The following DOCK1 variants were observed in gnomAD, a reference collection of about 807,000 sequenced individuals.
DOCK1 encodes dedicator of cytokinesis protein 1.
A neutral mutation model predicts 262.7 loss-of-function variants in DOCK1; 138 were observed. The ratio of observed to expected loss-of-function variants is 0.53; its 90% confidence interval spans 0.46 to 0.61. The LOEUF is 0.61. Among genes scored for constraint, DOCK1 ranks in the 20% least tolerant of loss-of-function variants. DOCK1 has a pLI of 0.00. For synonymous variants in DOCK1, 866 were observed against 867.4 expected (o/e 1.00, Z 0.03); for missense variants, 1,908 against 2,370.7 (o/e 0.80, Z 4.05).
At chr10:127,450,451 T>G (rs1450255006) in intron 51 of DOCK1, among the ~76,000 whole-genome samples, 1 of 152,266 alleles carries the variant, frequency 6.6e-6, no homozygotes, top group Non-Finnish European at 1.5e-5. Flanking sequence ...TGTTCACTTC[T>G]TCATTCATTT....
intron 25 of DOCK1, among the ~76,000 whole-genome samples, chr10:127,121,446 T>A (rs925693049): frequency 8.6e-5 from 12 of 138,956 alleles, no homozygotes; most frequent in Non-Finnish European, 1.5e-4. Context: ...CATTGTAGGG[T>A]ATATGTATAT....
At chr10:127,439,366 C>T (rs926064140) in intron 49 of DOCK1, 141 bp downstream of exon 49, 2 of 824,932 alleles carry the variant, frequency 2.4e-6, no homozygotes, top group African/African-American at 3.5e-5. Flanking sequence ...GGTCCTCCTC[C>T]CCTAACCTCA....
rs576907558 is a variant in DOCK1 at position 127,266,979 on chromosome 10, C to A, written c.3044+9550C>A. Among the ~76,000 whole-genome samples, 3 of 152,286 alleles carry A rather than the reference C, an allele frequency of 2.0e-5. No individual in the cohort carries two copies. In the East Asian group the frequency reaches 5.8e-4, roughly 29 times the overall value. On this transcript the variant is annotated intron_variant, in intron 29 of 51. Transcript: ENST00000623213. ...AAGTCACCCAGAGAAACACATGAGA[C>A]TTTTCTGGGGGCTGTGTTGGCCATT...
intron 12 of DOCK1, among the ~76,000 whole-genome samples, chr10:127,017,825 C>A (rs1053644278): frequency 6.6e-6 from 1 of 152,178 alleles, no homozygotes; most frequent in Admixed American, 6.5e-5. Flanking sequence ...TAGAAGACAG[C>A]TCAGGCCGAG....
chr10:127,087,472 G>A (rs2047264660), intron 23 of DOCK1, among the ~76,000 whole-genome samples: 1 of 152,146 alleles, frequency 6.6e-6, no homozygotes. Flanking sequence ...CTATCTTGGG[G>A]AGAATATTGG....
chr10:127,448,805 T>TC (rs1032025778), intron 51 of DOCK1, among the ~76,000 whole-genome samples: 1 of 151,048 alleles, frequency 6.6e-6, no homozygotes, highest in African/African-American at 2.4e-5. Context: ...AGACATGGTT[T>TC]TTTTTTTTAT....
chr10:126,941,091 TTGTC>T (rs1169706568), intron 1 of DOCK1, among the ~76,000 whole-genome samples: 4 of 152,180 alleles, frequency 2.6e-5, no homozygotes, highest in African/African-American at 9.6e-5. Flanking sequence ...TGTTTGGTCA[TTGTC>T]TGGGAGGATG....
At chr10:127,003,328 T>C (rs960532102) in intron 10 of DOCK1, among the ~76,000 whole-genome samples, 14 of 151,794 alleles carry the variant, frequency 9.2e-5, no homozygotes, top group South Asian at 2.1e-4. Context: ...TATGAACCTG[T>C]GTGAACCTGT....
intron 26 of DOCK1, 39 bp downstream of exon 26, chr10:127,125,640 C>A: frequency 6.3e-7 from 1 of 1,597,126 alleles, no homozygotes; most frequent in South Asian, 1.1e-5. Context: ...TGCCATTTGC[C>A]TGAACCTGCC....
intron 12 of DOCK1, among the ~76,000 whole-genome samples, chr10:127,017,924 T>C (rs575848747): frequency 1.3e-5 from 2 of 152,326 alleles, no homozygotes; most frequent in South Asian, 2.1e-4. Context: ...TCAGTATTTA[T>C]ACAAACCACA....
intron 37 of DOCK1, among the ~76,000 whole-genome samples, chr10:127,382,366 T>C (rs2065872269): frequency 6.6e-6 from 1 of 152,192 alleles, no homozygotes; most frequent in African/African-American, 2.4e-5. Flanking sequence ...TTCTGATAGT[T>C]TCTGTGACAC....
intron 27 of DOCK1, among the ~76,000 whole-genome samples, chr10:127,140,242 A>C (rs1183277800): frequency 1.3e-5 from 2 of 152,320 alleles, no homozygotes; most frequent in East Asian, 3.9e-4. Flanking sequence ...CACACCAAGG[A>C]ACCATGTAAT....
At chr10:126,941,588 C>G (rs1165385686) in intron 1 of DOCK1, among the ~76,000 whole-genome samples, 9 of 152,124 alleles carry the variant, frequency 5.9e-5, no homozygotes, top group Non-Finnish European at 8.8e-5. Context: ...AACCCTGTCT[C>G]TACTAAAAGT....
Position 127,433,328 on chromosome 10 carries a change from G to A in DOCK1, c.4960G>A (p.Val1654Met), listed in dbSNP as rs542877171. ...AAGAGGCAGCCGCCCCCGGTCCATG[G>A]TGCGGTCCTTCACGATGCCTTCCTC... is the stretch of plus-strand genomic sequence containing the variant. Reference protein sequence around the residue: ...DRRGSRPRSMVRSFTMPSSSR... With the variant: ...DRRGSRPRSMMRSFTMPSSSR... Residue 1654 changes from valine (V) to methionine (M), a missense_variant, in exon 48 of 52, where the codon GTG (valine) becomes ATG (methionine). This residue lies in a region of DOCK1 where 383 missense variants were observed against 420.1 expected (regional missense o/e 0.91). Transcript: ENST00000623213. 5.6e-6 allele frequency: 9 copies of A among 1,613,854 alleles called. No individual in the cohort carries two copies. The South Asian group carries it at 9.9e-5, about 18-fold the overall frequency.
At chr10:126,998,443 C>A (rs1468837286) in intron 8 of DOCK1, 194 bp downstream of exon 8, 1 of 607,212 alleles carries the variant, frequency 1.6e-6, no homozygotes. Context: ...CAGGGTGAAC[C>A]TTCTTGCGTG....
At chr10:127,128,541 G>GC (rs1242065919) in intron 27 of DOCK1, among the ~76,000 whole-genome samples, 1 of 151,800 alleles carries the variant, frequency 6.6e-6, no homozygotes, top group African/African-American at 2.4e-5. Context: ...CCCTCCATTT[G>GC]CCCCCCACTC....
chr10:127,274,272 A>G (rs1422773619), intron 29 of DOCK1, among the ~76,000 whole-genome samples: 1 of 152,186 alleles, frequency 6.6e-6, no homozygotes, highest in Non-Finnish European at 1.5e-5. Flanking sequence ...CCAATGAGAA[A>G]GAGACTTTTG....
At chr10:127,357,441 G>A (rs1455591328) in intron 32 of DOCK1, among the ~76,000 whole-genome samples, 4 of 152,130 alleles carry the variant, frequency 2.6e-5, no homozygotes, top group Non-Finnish European at 5.9e-5. Context: ...GGCCTTCTGA[G>A]GATACACTTG....
At chr10:127,378,225 A>G (rs2065624102) in intron 35 of DOCK1, among the ~76,000 whole-genome samples, 2 of 152,168 alleles carry the variant, frequency 1.3e-5, no homozygotes, top group Admixed American at 1.3e-4. Flanking sequence ...TTAAATGCAG[A>G]GTGGGGTCCA....
Sources: gnomAD v4.1 joint callset for allele counts (sites outside exome capture counted in the v4.1 genomes callset) on GRCh38, gnomAD v4.1.1 for gene constraint, gnomAD v4.1.1 regional missense constraint, MANE v1.5 for transcripts, NCBI Gene and HGNC (gene_info 2026-07-23, HGNC 2026-07-21) for gene names.